The following CTNNA3 variants were observed in gnomAD, a reference collection of about 807,000 sequenced individuals.
CTNNA3 encodes the protein catenin alpha 3.
Under a neutral mutation model 95.7 loss-of-function variants are expected in CTNNA3, and 76 were observed. The ratio of observed to expected loss-of-function variants is 0.79; its 90% CI spans 0.66 to 0.96. The LOEUF is 0.96. Ranked by LOEUF, CTNNA3 falls within the 40% of genes least tolerant of loss-of-function variation. The pLI, the probability that CTNNA3 is intolerant of heterozygous loss-of-function variation, is 0.00. For missense variants in CTNNA3, 1,191 were observed against 1,089.8 expected, an observed-to-expected ratio of 1.09 and a Z score of -1.31; for synonymous variants, 431 against 374.4, an observed-to-expected ratio of 1.15 and a Z score of -1.74.
At chr10:67,733,204 T>C (rs553614072) in intron 1 of CTNNA3, among the ~76,000 whole-genome samples, 115 of 152,318 alleles carry the variant, frequency 7.5e-4, no homozygotes, top group Non-Finnish European at 1.3e-3. Flanking sequence ...TAAAAATTAA[T>C]ATTTAAAGCT....
intron 7 of CTNNA3, among the ~76,000 whole-genome samples, chr10:66,840,323 ATCTCTCTCTCTCTCTCTCTC>A (rs71035189): frequency 1.5e-4 from 14 of 90,670 alleles, no homozygotes; most frequent in Admixed American, 3.5e-4. Context: ...CCAAGAAGCC[ATCTCTCTCTCTCTCTCTCTC>A]TCTCTCTCTC....
At chr10:66,148,303 T>C (rs955827674) in intron 13 of CTNNA3, among the ~76,000 whole-genome samples, 1 of 152,100 alleles carries the variant, frequency 6.6e-6, no homozygotes, top group Admixed American at 6.6e-5. Context: ...CTGGCTTGTT[T>C]AAGAAAAATC....
At chr10:66,421,542 T>A (rs189924816) in intron 11 of CTNNA3, among the ~76,000 whole-genome samples, 347 of 151,994 alleles carry the variant, frequency 2.3e-3, no homozygotes, top group African/African-American at 8.2e-3. Context: ...ATATTATGTA[T>A]CCATAAAAAG....
In CTNNA3 at chr10:66,291,314, T is replaced by G. The variant is rs116513114; in HGVS notation, c.1733-10693A>C. On this transcript the variant is annotated intron_variant, in intron 12 of 17. Coordinates refer to ENST00000433211, the MANE Select transcript of CTNNA3 (RefSeq NM_013266.4). ...ACACAGTAGTTTTCAAACTTTACCA[T>G]GCATCAGAATCACCAGAAAGGCCCA... Among the ~76,000 whole-genome samples the G allele has an allele frequency of 2.0e-3, 303 of 152,286 alleles. 2 individuals are homozygous for G. Among genetic ancestry groups the G allele is most frequent in the African/African-American group, 7.0e-3 (291 of 41,578 alleles).
At chr10:66,625,294 A>C (rs556477785) in intron 9 of CTNNA3, among the ~76,000 whole-genome samples, 1 of 152,136 alleles carries the variant, frequency 6.6e-6, no homozygotes, top group Non-Finnish European at 1.5e-5. Context: ...TCTAAAAAAC[A>C]TTGTAGATGA....
chr10:67,204,553 T>A (rs952637047), intron 6 of CTNNA3, among the ~76,000 whole-genome samples: 2 of 152,182 alleles, frequency 1.3e-5, no homozygotes, highest in Non-Finnish European at 2.9e-5. Context: ...CAGGTATTCA[T>A]AGCAGTGCAA....
At chr10:67,239,365 T>TA (rs11330069) in intron 5 of CTNNA3, among the ~76,000 whole-genome samples, 141 of 142,910 alleles carry the variant, frequency 9.9e-4, no homozygotes, top group South Asian at 6.7e-3. Context: ...CTACACGTGA[T>TA]AAAAAAAAAA....
intron 17 of CTNNA3, among the ~76,000 whole-genome samples, chr10:65,964,704 A>T (rs545719864): frequency 2.6e-5 from 4 of 152,318 alleles, no homozygotes; most frequent in Non-Finnish European, 5.9e-5. Flanking sequence ...CTTACAAAGC[A>T]CGATTAGTGT....
chr10:66,935,716 C>T (rs949810540), intron 7 of CTNNA3, among the ~76,000 whole-genome samples: 1 of 150,750 alleles, frequency 6.6e-6, no homozygotes, highest in African/African-American at 2.5e-5. Context: ...TATTATGTAC[C>T]AGGAATTTGT....
chr10:66,096,571 G>A (rs1288325947), intron 14 of CTNNA3, among the ~76,000 whole-genome samples: 2 of 145,154 alleles, frequency 1.4e-5, no homozygotes, highest in Non-Finnish European at 3.0e-5. Context: ...CACCCAGGCT[G>A]GAGTGCAGTG....
At chr10:66,977,688 A>G (rs184524464) in intron 7 of CTNNA3, among the ~76,000 whole-genome samples, 21 of 152,310 alleles carry the variant, frequency 1.4e-4, no homozygotes, top group African/African-American at 5.1e-4. Flanking sequence ...AAATCTTCAG[A>G]TAGCTATCTA....
At chr10:67,558,531 C>T (rs576220188) in intron 3 of CTNNA3, among the ~76,000 whole-genome samples, 51 of 152,306 alleles carry the variant, frequency 3.3e-4, no homozygotes, top group African/African-American at 1.1e-3. Context: ...ATAGGAACAG[C>T]GCCGGTCTAC....
At chr10:65,934,778 GC>G (rs1024335609) in intron 17 of CTNNA3, among the ~76,000 whole-genome samples, 1 of 152,066 alleles carries the variant, frequency 6.6e-6, no homozygotes, top group Non-Finnish European at 1.5e-5. Context: ...CCAAAGGAAA[GC>G]CCCTTTAATA....
chr10:67,656,240 C>T (rs1564812841), intron 1 of CTNNA3, among the ~76,000 whole-genome samples: 1 of 152,160 alleles, frequency 6.6e-6, no homozygotes, highest in South Asian at 2.1e-4. Flanking sequence ...AATCAAGAAA[C>T]TGCCTGATAT....
At chr10:67,321,755 T>G (rs890377062) in intron 5 of CTNNA3, among the ~76,000 whole-genome samples, 1 of 152,142 alleles carries the variant, frequency 6.6e-6, no homozygotes, top group Admixed American at 6.5e-5. Context: ...AACTCACATA[T>G]ACAACTTGAT....
At chr10:66,406,482 T>C (rs1179176690) in intron 11 of CTNNA3, among the ~76,000 whole-genome samples, 1 of 152,204 alleles carries the variant, frequency 6.6e-6, no homozygotes, top group Non-Finnish European at 1.5e-5. Context: ...TTGTTTTCCA[T>C]ACCAATGCCT....
intron 7 of CTNNA3, among the ~76,000 whole-genome samples, chr10:66,806,363 T>C (rs1841644413): frequency 6.6e-6 from 1 of 150,782 alleles, no homozygotes; most frequent in Non-Finnish European, 1.5e-5. Context: ...CATATAACAA[T>C]GAGGAAATTG....
intron 12 of CTNNA3, among the ~76,000 whole-genome samples, chr10:66,304,875 T>C (rs1440649855): frequency 6.6e-6 from 1 of 152,196 alleles, no homozygotes; most frequent in Non-Finnish European, 1.5e-5. Flanking sequence ...CTTGATTTAT[T>C]ATTAGTAGTA....
chr10:66,733,179 G>A (rs1051441232), intron 9 of CTNNA3, among the ~76,000 whole-genome samples: 6 of 151,926 alleles, frequency 3.9e-5, no homozygotes, highest in Admixed American at 6.6e-5. Flanking sequence ...AAAAAAAGAA[G>A]AAAAAACAAA....
Sources: gnomAD v4.1 joint callset for allele counts (sites outside exome capture counted in the v4.1 genomes callset) on GRCh38, gnomAD v4.1.1 for gene constraint, MANE v1.5 for transcripts, NCBI Gene and HGNC (gene_info 2026-07-23, HGNC 2026-07-21) for gene names.